Variants in MMD observed in about 807,000 individuals in gnomAD.
MMD encodes the protein monocyte to macrophage differentiation associated, also known as monocyte to macrophage differentiation factor.
Under a neutral mutation model 33.6 loss-of-function variants are expected in MMD, and 22 were observed. The ratio of observed to expected loss-of-function variants is 0.66; its 90% CI spans 0.47 to 0.94. The LOEUF (loss-of-function observed/expected upper bound fraction) is 0.94. Ranked by LOEUF, MMD falls within the 40% of genes least tolerant of loss-of-function variation. The pLI is 0.00. For missense variants in MMD, 242 were observed against 309.8 expected (o/e 0.78, Z 1.64); for synonymous variants, 97 against 103.2 (o/e 0.94, Z 0.36).
rs1335144688 is a variant in MMD at position 55,414,160 on chromosome 17, G to A, written c.99C>T (p.Tyr33=). The change falls in exon 2 of 7, where the codon TAC becomes TAT. Residue 33 remains tyrosine, a synonymous_variant. Transcript: ENST00000262065. ...PTCYEHAANC[Y]THAFLIVPAI... ...GAAAACTTGTACTCACTGCGTGTGT[G>A]TAACAGTTAGCAGCATGTTCATAGC... The A allele has an allele frequency of 6.2e-7, 1 of 1,613,872 alleles. No homozygotes were observed. The highest frequency in any genetic ancestry group is 1.3e-5 in the African/African-American group (1 of 75,038).
At chr17:55,398,244 T>C (rs978421075) in intron 6 of MMD, among the ~76,000 whole-genome samples, 1 of 151,868 alleles carries the variant, frequency 6.6e-6, no homozygotes. Flanking sequence ...GTATAGTTTC[T>C]ACAGACCTGG....
intron 4 of MMD, among the ~76,000 whole-genome samples, chr17:55,405,969 C>CAGAAAGATCAAAGGCAATGAACA (rs1473644069): frequency 6.6e-6 from 1 of 152,162 alleles, no homozygotes; most frequent in Admixed American, 6.5e-5. Context: ...ACCAAAAAGG[C>CAGAAAGATCAAAGGCAATGAACA]AGAAAGATCA....
At chr17:55,407,936 C>G (rs1182700972) in intron 3 of MMD, 116 bp from the exon 4 acceptor site, 3 of 654,380 alleles carry the variant, frequency 4.6e-6, no homozygotes, top group Non-Finnish European at 7.4e-6. Flanking sequence ...GGCCTTTACA[C>G]TTGTTCTTCC....
At chr17:55,402,014 G>A (rs1907354917) in intron 5 of MMD, among the ~76,000 whole-genome samples, 1 of 149,502 alleles carries the variant, frequency 6.7e-6, no homozygotes, top group Non-Finnish European at 1.5e-5. Flanking sequence ...AACCCGGGAG[G>A]CGGGGCTTGC....
intron 1 of MMD, among the ~76,000 whole-genome samples, chr17:55,419,099 A>G (rs2098515772): frequency 6.6e-6 from 1 of 152,244 alleles, no homozygotes; most frequent in African/African-American, 2.4e-5. Context: ...TAGCTGTGTG[A>G]CTATGGGCAA....
intron 6 of MMD, 65 bp downstream of exon 6, chr17:55,401,404 C>T: frequency 7.5e-7 from 1 of 1,336,080 alleles, no homozygotes; most frequent in Non-Finnish European, 1.0e-6. Context: ...CATATCATAT[C>T]CATAATCATG....
chr17:55,406,728 A>G (rs1209821089), intron 4 of MMD, among the ~76,000 whole-genome samples: 2 of 151,994 alleles, frequency 1.3e-5, no homozygotes, highest in Admixed American at 6.6e-5. Context: ...CCACCAAAAA[A>G]TACAAAAATT....
In MMD at chr17:55,403,718, T is replaced by G. The variant is rs543860057; in HGVS notation, c.446+49A>C. ...AAATTGTATTGCAGTGCAGATAATA[T>G]TTAGGCAGTCAATTTTAAAACTATC... On this transcript the variant is annotated intron_variant, in intron 5 of 6. Transcript: ENST00000262065. The G allele has an allele frequency of 1.6e-4, 217 of 1,392,888 alleles. No individual in the cohort carries two copies. The South Asian group carries it at 2.0e-3, about 13-fold the overall frequency. 86.3% of individuals were successfully genotyped at this position (1,392,888 alleles called of 1,614,324 possible).
intron 1 of MMD, among the ~76,000 whole-genome samples, chr17:55,415,098 C>T (rs1321723537): frequency 1.3e-5 from 2 of 152,150 alleles, no homozygotes; most frequent in African/African-American, 4.8e-5. Flanking sequence ...GGATAGCATT[C>T]TTCCATTTCA....
At chr17:55,416,653 C>T (rs566859374) in intron 1 of MMD, among the ~76,000 whole-genome samples, 116 of 152,268 alleles carry the variant, frequency 7.6e-4, no homozygotes, top group African/African-American at 2.7e-3. Flanking sequence ...CTCCTAAAAC[C>T]TAAATGGAAA....
chr17:55,409,976 TG>T (rs1193530431), intron 3 of MMD, among the ~76,000 whole-genome samples: 2 of 152,170 alleles, frequency 1.3e-5, no homozygotes, highest in Admixed American at 6.5e-5. Flanking sequence ...TGTGATTCAA[TG>T]CTGTGGTTTT....
chr17:55,397,225 G>A (rs572020758), intron 6 of MMD, among the ~76,000 whole-genome samples: 9 of 152,162 alleles, frequency 5.9e-5, no homozygotes, highest in South Asian at 4.2e-4. Flanking sequence ...GCAGTGGCAC[G>A]ATCTTGGCTC....
chr17:55,421,640 G>T, intron 1 of MMD, 30 bp downstream of exon 1: 1 of 1,599,862 alleles, frequency 6.3e-7, no homozygotes. Context: ...TCTGACACGG[G>T]CAGCGGGACC....
intron 4 of MMD, chr17:55,404,376 C>A: frequency 2.5e-6 from 2 of 788,710 alleles, no homozygotes; most frequent in Non-Finnish European, 3.1e-6. Context: ...GAATTAGTTT[C>A]AACATGGTTT....
At chr17:55,395,429 G>T (rs1216463836) in intron 6 of MMD, among the ~76,000 whole-genome samples, 3 of 152,246 alleles carry the variant, frequency 2.0e-5, no homozygotes, top group African/African-American at 7.2e-5. Flanking sequence ...CTTGGAAGGG[G>T]ATAGGTGTGT....
intron 5 of MMD, among the ~76,000 whole-genome samples, chr17:55,401,974 C>T (rs1907348930): frequency 6.8e-6 from 1 of 147,266 alleles, no homozygotes; most frequent in Admixed American, 6.8e-5. Context: ...GGAGATGAGG[C>T]AGGAGAATGG....
At chr17:55,397,783 C>T (rs1907161981) in intron 6 of MMD, among the ~76,000 whole-genome samples, 1 of 152,014 alleles carries the variant, frequency 6.6e-6, no homozygotes, top group African/African-American at 2.4e-5. Context: ...TTCACATGAT[C>T]CACCCGCCTC....
chr17:55,395,797 T>C lies in MMD; in HGVS notation c.517-1263A>G, dbSNP rs529812803. On this transcript the variant is annotated intron_variant, in intron 6 of 6. Coordinates refer to ENST00000262065, the MANE Select transcript of MMD (RefSeq NM_012329.3). ...ACAAAGACAAAATACCACACGTTAT[T>C]AATTCCTCAAGGTTATACAGCAATG... Among the ~76,000 whole-genome samples, 28 of 152,336 alleles carry C rather than the reference T, an allele frequency of 1.8e-4. No homozygotes were observed. The South Asian group carries it at 5.8e-3, about 32-fold the overall frequency.
At chr17:55,414,556 TCA>T (rs58103743) in intron 1 of MMD, among the ~76,000 whole-genome samples, 22,426 of 122,504 alleles carry the variant, frequency 0.18, 2,116 homozygotes, top group East Asian at 0.38. Flanking sequence ...CCTCCTCCAT[TCA>T]CACACACACA....
Sources: allele counts gnomAD v4.1 joint callset (sites outside exome capture counted in the v4.1 genomes callset), GRCh38; gene constraint gnomAD v4.1.1; transcripts MANE v1.5; gene names NCBI Gene and HGNC (gene_info 2026-07-23, HGNC 2026-07-21).